The following PLA2G4A variants were observed in gnomAD, a reference collection of about 807,000 sequenced individuals.
PLA2G4A encodes phospholipase A2 group IVA.
In PLA2G4A, 40 loss-of-function variants were observed where a neutral mutation model predicts 81.9. The observed-to-expected ratio is 0.49, with a 90% CI of 0.38 to 0.64. The LOEUF (loss-of-function observed/expected upper bound fraction) is 0.64, where lower values mean the gene tolerates loss of function less well. PLA2G4A is among the 30% of genes least tolerant of loss of function. PLA2G4A has a pLI of 0.00. For synonymous variants in PLA2G4A, 302 were observed against 296.9 expected (o/e 1.02, Z -0.18); for missense variants, 715 against 905.1 (o/e 0.79, Z 2.69).
Position 186,950,282 on chromosome 1 carries a change from A to G in PLA2G4A, c.1265-375A>G, listed in dbSNP as rs183551646. 7.6e-4 allele frequency among the ~76,000 whole-genome samples: 115 copies of G among 152,254 alleles called. No homozygotes were observed. The East Asian group carries it at 0.015, about 20-fold the overall frequency. ...TAGCTCACCTGTAGATTTTGGTTTT[A>G]TCCTTTATCTTCATAAACACCACTT... On this transcript the variant is annotated intron_variant, in intron 12 of 17. Transcript: ENST00000367466.
intron 6 of PLA2G4A, among the ~76,000 whole-genome samples, chr1:186,910,121 T>C (rs1444948699): frequency 6.6e-6 from 1 of 152,178 alleles, no homozygotes; most frequent in Non-Finnish European, 1.5e-5. Context: ...GAGGTACCTA[T>C]ATTTGTCCTT....
intron 1 of PLA2G4A, among the ~76,000 whole-genome samples, chr1:186,840,298 C>T (rs1228482914): frequency 6.6e-6 from 1 of 152,150 alleles, no homozygotes; most frequent in African/African-American, 2.4e-5. Context: ...CAAGTGCATA[C>T]ACTCCATTTA....
chr1:186,840,742 G>A lies in PLA2G4A; in HGVS notation c.-70+11707G>A, dbSNP rs528769679. Among the ~76,000 whole-genome samples the A allele has an allele frequency of 1.1e-4, 17 of 152,258 alleles. 1 individual carries two copies. The highest frequency in any genetic ancestry group is 8.5e-4 in the Admixed American group (13 of 15,294). ...ATTAAACATTTAAGCCAGTTTGATG[G>A]TTTTCCTGAGTGTTTTCCCTGAACT... is the stretch of plus-strand genomic sequence containing the variant. On this transcript the variant is annotated intron_variant, in intron 1 of 17. Coordinates refer to ENST00000367466, the MANE Select transcript of PLA2G4A (RefSeq NM_024420.3).
intron 7 of PLA2G4A, among the ~76,000 whole-genome samples, chr1:186,923,641 G>T (rs1024637908): frequency 9.2e-5 from 14 of 152,216 alleles, no homozygotes; most frequent in Admixed American, 2.0e-4. Flanking sequence ...GCAAGAGGAT[G>T]ACTCACCCTC....
intron 15 of PLA2G4A, among the ~76,000 whole-genome samples, chr1:186,974,526 C>T (rs1571460577): frequency 6.6e-6 from 1 of 152,120 alleles, no homozygotes. Flanking sequence ...AGACATCTTA[C>T]GAAGTATCTC....
At chr1:186,884,349 T>A (rs1470845012) in intron 3 of PLA2G4A, among the ~76,000 whole-genome samples, 1 of 149,206 alleles carries the variant, frequency 6.7e-6, no homozygotes, top group Non-Finnish European at 1.5e-5. Flanking sequence ...AAACAGTACA[T>A]GTTTTAGCAG....
Position 186,951,899 on chromosome 1 carries a change from C to A in PLA2G4A, c.1336+1171C>A, listed in dbSNP as rs73051071. On this transcript the variant is annotated intron_variant, in intron 13 of 17. Coordinates refer to ENST00000367466, the MANE Select transcript of PLA2G4A (RefSeq NM_024420.3). ...GTTGGGTTCAGCCCTGATTTGCCCC[C>A]CTATCCTGCTGCGTTATGTAGCCCA... Among the ~76,000 whole-genome samples the A allele has an allele frequency of 5.4e-3, 819 of 152,216 alleles. 6 individuals are homozygous for A. Among genetic ancestry groups the A allele is most frequent in the African/African-American group, 0.019 (789 of 41,528 alleles).
intron 2 of PLA2G4A, among the ~76,000 whole-genome samples, chr1:186,865,838 T>A (rs1653008160): frequency 6.6e-6 from 1 of 152,202 alleles, no homozygotes; most frequent in South Asian, 2.1e-4. Context: ...CCAGAATGAA[T>A]TTAATACAGT....
At chr1:186,980,883 C>T (rs571847821) in intron 17 of PLA2G4A, among the ~76,000 whole-genome samples, 1 of 152,050 alleles carries the variant, frequency 6.6e-6, no homozygotes, top group Admixed American at 6.5e-5. Flanking sequence ...TCTAAAAATG[C>T]TTATCAAAAT....
intron 17 of PLA2G4A, among the ~76,000 whole-genome samples, chr1:186,981,947 C>T (rs1403845721): frequency 6.6e-6 from 1 of 152,086 alleles, no homozygotes; most frequent in South Asian, 2.1e-4. Flanking sequence ...TAAATAAAAT[C>T]GTCCTTGAAT....
intron 3 of PLA2G4A, among the ~76,000 whole-genome samples, chr1:186,889,692 G>A (rs900535825): frequency 6.6e-6 from 1 of 151,814 alleles, no homozygotes; most frequent in Non-Finnish European, 1.5e-5. Context: ...AAATTTTTTT[G>A]GGGGGGAAAC....
chr1:186,890,355 C>T (rs538149828), intron 3 of PLA2G4A, among the ~76,000 whole-genome samples: 114 of 152,132 alleles, frequency 7.5e-4, no homozygotes, highest in African/African-American at 2.7e-3. Flanking sequence ...TATAGTGTGT[C>T]CAGTGCTGTA....
chr1:186,939,754 A>T (rs965633209), intron 9 of PLA2G4A, among the ~76,000 whole-genome samples: 11 of 152,182 alleles, frequency 7.2e-5, no homozygotes, highest in Admixed American at 3.9e-4. Context: ...TCCAGTTCAG[A>T]TGTAGACATA....
intron 1 of PLA2G4A, among the ~76,000 whole-genome samples, chr1:186,837,192 A>G (rs1651806880): frequency 6.6e-6 from 1 of 152,176 alleles, no homozygotes; most frequent in Admixed American, 6.5e-5. Context: ...ATCATGAATG[A>G]TCTTGATTAG....
chr1:186,888,387 T>C (rs558740507), intron 3 of PLA2G4A, among the ~76,000 whole-genome samples: 2 of 152,274 alleles, frequency 1.3e-5, no homozygotes, highest in East Asian at 3.9e-4. Context: ...CCTTTTCCCA[T>C]CTGGTGCCTT....
rs1654251878 is a variant in PLA2G4A, at chr1:186,894,157, T to C, written c.324T>C (p.Thr108=). 2 of 1,526,184 alleles carry C rather than the reference T, an allele frequency of 1.3e-6. No individual in the cohort carries two copies. Among genetic ancestry groups the C allele is most frequent in the Non-Finnish European group, 1.8e-6 (2 of 1,099,794 alleles). 94.5% of individuals were successfully genotyped at this position (1,526,184 alleles called of 1,614,324 possible). ...MDETLGTATF[T]VSSMKVGEKK... ...AAACTCTAGGGACAGCAACATTTAC[T>C]GTATCTTCTATGAAGGTGGGAGAAA... The change falls in exon 5 of 18, where the codon ACT becomes ACC. Residue 108 remains threonine, a synonymous_variant. Coordinates refer to ENST00000367466, the MANE Select transcript of PLA2G4A (RefSeq NM_024420.3).
intron 5 of PLA2G4A, among the ~76,000 whole-genome samples, chr1:186,902,832 T>G (rs1036021096): frequency 6.7e-6 from 1 of 150,366 alleles, no homozygotes; most frequent in African/African-American, 2.5e-5. Context: ...GACTCCTTTT[T>G]CGGACTCAGT....
chr1:186,837,747 A>G (rs1435703005), intron 1 of PLA2G4A, among the ~76,000 whole-genome samples: 1 of 148,352 alleles, frequency 6.7e-6, no homozygotes, highest in Non-Finnish European at 1.5e-5. Flanking sequence ...AAAAAAAAAA[A>G]AAAAAGAAAA....
intron 15 of PLA2G4A, among the ~76,000 whole-genome samples, chr1:186,969,183 C>A (rs1168843776): frequency 2.0e-5 from 3 of 151,586 alleles, no homozygotes; most frequent in East Asian, 1.9e-4. Flanking sequence ...GTAGGAGCTT[C>A]TTCCATTGTT....
Sources: gnomAD v4.1 joint callset for allele counts (sites outside exome capture counted in the v4.1 genomes callset) on GRCh38, gnomAD v4.1.1 for gene constraint, MANE v1.5 for transcripts, NCBI Gene and HGNC (gene_info 2026-07-23, HGNC 2026-07-21) for gene names.